The following CELF5 variants were observed in gnomAD, a reference collection of about 807,000 sequenced individuals.
CELF5 encodes CUGBP Elav-like family member 5.
Under a neutral mutation model 54.9 loss-of-function variants are expected in CELF5, and 6 were observed. The ratio of observed to expected loss-of-function variants is 0.11; its 90% CI spans 0.06 to 0.22. The LOEUF is 0.22. Ranked by LOEUF, CELF5 falls within the 10% of genes least tolerant of loss-of-function variation. The pLI, the probability that CELF5 is intolerant of heterozygous loss-of-function variation, is 1.00. For missense variants in CELF5, 401 were observed against 678.6 expected, an observed-to-expected ratio of 0.59 and a Z score of 4.54; for synonymous variants, 271 against 290.9, an observed-to-expected ratio of 0.93 and a Z score of 0.70.
chr19:3,282,286 C>T lies in CELF5; in HGVS notation c.892+19C>T. 1 of 1,610,502 alleles carries T rather than the reference C, an allele frequency of 6.2e-7. No homozygotes were observed. Among genetic ancestry groups the T allele is most frequent in the South Asian group, 1.1e-5 (1 of 91,076 alleles). On this transcript the variant is annotated intron_variant, in intron 7 of 12. Coordinates refer to ENST00000292672, the MANE Select transcript of CELF5 (RefSeq NM_021938.4). The surrounding 1 kb of genome is among the most constrained non-coding windows in gnomAD (Gnocchi z 5.2). ...GCCTCTGGTGAGCCTCCTCCAGGCA[C>T]CCAAGGATGGGTGGGCAGGGCTGGA... is the stretch of plus-strand genomic sequence containing the variant.
intron 4 of CELF5, among the ~76,000 whole-genome samples, chr19:3,276,590 A>G (rs1012638387): frequency 1.4e-5 from 2 of 146,942 alleles, no homozygotes; most frequent in Non-Finnish European, 3.0e-5. Context: ...GCTGGTTCAC[A>G]GGGGTTGGGT....
chr19:3,279,326 G>C lies in CELF5; in HGVS notation c.603+1216G>C, dbSNP rs760609660. ...AGGCACTGGGGACTGCCCTTCCCCC[G>C]AGGAAGGAGTCCCCAGAAGCCATTG... On this transcript the variant is annotated intron_variant, in intron 5 of 12. Coordinates refer to ENST00000292672, the MANE Select transcript of CELF5 (RefSeq NM_021938.4). Among the ~76,000 whole-genome samples, 3 of 152,180 alleles carry C rather than the reference G, an allele frequency of 2.0e-5. No homozygotes were observed. The East Asian group carries it at 5.8e-4, about 29-fold the overall frequency.
chr19:3,274,483 C>T (rs148347798), intron 3 of CELF5, among the ~76,000 whole-genome samples: 87 of 152,268 alleles, frequency 5.7e-4, no homozygotes, highest in African/African-American at 1.9e-3. Context: ...TGTGCATGTG[C>T]GTGTGCCCAG....
intron 2 of CELF5, among the ~76,000 whole-genome samples, chr19:3,254,162 G>A (rs144916681): frequency 2.0e-4 from 31 of 152,194 alleles, no homozygotes; most frequent in African/African-American, 7.0e-4. Flanking sequence ...AAGAGATGCC[G>A]CAATCACCAG....
At chr19:3,296,457 GAAAAGAA>G (rs1224211579) in intron 12 of CELF5, 6 of 67,000 alleles carry the variant, frequency 9.0e-5, no homozygotes, top group Admixed American at 6.8e-4. Flanking sequence ...AAAAAAAAAA[GAAAAGAA>G]AAAAGAAAAA....
intron 1 of CELF5, among the ~76,000 whole-genome samples, chr19:3,245,153 CTG>C (rs1013015555): frequency 2.3e-5 from 3 of 129,992 alleles, no homozygotes; most frequent in Non-Finnish European, 3.3e-5. Flanking sequence ...GCGTGCATCT[CTG>C]TGTGTGTTGT....
In CELF5 at chr19:3,282,255, G is replaced by A. The variant is rs745563357; in HGVS notation, c.880G>A (p.Ala294Thr). ...SLNGLPATPI[A>T]PASGLHSPPL... ...CAACGGGCTGCCTGCCACACCCATC[G>A]CTCCTGCCTCTGGTGAGCCTCCTCC... Residue 294 changes from alanine to threonine, a missense_variant, in exon 7 of 13, where the codon GCT becomes ACT. Ala to Thr is a moderately conservative substitution (Grantham distance 58). This residue lies in a region of CELF5 where 143 missense variants were observed against 147.6 expected (regional missense o/e 0.97). Transcript: ENST00000292672. This position sits in a 1 kb window ranked among gnomAD's most constrained non-coding sequence, Gnocchi z 5.2. 25 of 1,612,566 alleles carry A rather than the reference G, an allele frequency of 1.6e-5. 1 individual carries two copies. Among genetic ancestry groups the A allele is most frequent in the Admixed American group, 3.3e-5 (2 of 60,020 alleles).
At chr19:3,234,220 G>T (rs1232038728) in intron 1 of CELF5, among the ~76,000 whole-genome samples, 2 of 152,098 alleles carry the variant, frequency 1.3e-5, no homozygotes, top group Non-Finnish European at 2.9e-5. Flanking sequence ...AGGCGAGGAA[G>T]AGGAAGGGAT....
chr19:3,229,269 C>G (rs1917132359), intron 1 of CELF5, among the ~76,000 whole-genome samples: 1 of 152,066 alleles, frequency 6.6e-6, no homozygotes, highest in African/African-American at 2.4e-5. Context: ...TGCTGTGTAC[C>G]AGGCCCTGTT....
In CELF5 at chr19:3,224,673, C is replaced by T. The variant is rs1261356856; in HGVS notation, c.-67C>T. ...CCGGGAGGGAGGCGGGAGGCGCGGCCGCCGCTCCAGCTGCGAGTCCGCCCG... is the reference window on the plus strand; with the variant it reads ...CCGGGAGGGAGGCGGGAGGCGCGGCTGCCGCTCCAGCTGCGAGTCCGCCCG... On this transcript the variant is annotated 5_prime_UTR_variant, in exon 1 of 13. Coordinates refer to ENST00000292672, the MANE Select transcript of CELF5 (RefSeq NM_021938.4). 3 of 984,736 alleles carry T rather than the reference C, an allele frequency of 3.0e-6. No individual in the cohort carries two copies. The highest frequency in any genetic ancestry group is 3.5e-5 in the African/African-American group (2 of 56,662). 61.0% of individuals were successfully genotyped at this position (984,736 alleles called of 1,614,324 possible).
At chr19:3,235,766 G>A (rs531446204) in intron 1 of CELF5, among the ~76,000 whole-genome samples, 68 of 127,238 alleles carry the variant, frequency 5.3e-4, no homozygotes, top group Middle Eastern at 8.9e-3. Flanking sequence ...GTGTGGATGG[G>A]TGGATAGATG....
chr19:3,235,770 A>T (rs1917564908), intron 1 of CELF5, among the ~76,000 whole-genome samples: 1 of 134,786 alleles, frequency 7.4e-6, no homozygotes, highest in African/African-American at 2.9e-5. Flanking sequence ...GGATGGGTGG[A>T]TAGATGGATG....
intron 1 of CELF5, among the ~76,000 whole-genome samples, chr19:3,245,405 TGTGTGTG>T (rs908722135): frequency 2.9e-4 from 44 of 151,078 alleles, no homozygotes; most frequent in African/African-American, 9.5e-4. Context: ...TGTGTGCGTG[TGTGTGTG>T]GTGTGTGGTG....
intron 1 of CELF5, among the ~76,000 whole-genome samples, chr19:3,226,745 C>A (rs1197908308): frequency 2.0e-5 from 3 of 151,434 alleles, no homozygotes; most frequent in Non-Finnish European, 4.4e-5. Context: ...GGGACTGGAG[C>A]ATCCTGGTGA....
rs1353074305 is a variant in CELF5 at position 3,235,333 on chromosome 19, A to G, written c.259+10335A>G. Among the ~76,000 whole-genome samples, 3 of 151,530 alleles carry G rather than the reference A, an allele frequency of 2.0e-5. No individual in the cohort carries two copies. In the East Asian group the frequency reaches 5.8e-4, roughly 29 times the overall value. On this transcript the variant is annotated intron_variant, in intron 1 of 12. Transcript: ENST00000292672. ...CTTTCCTTTTTTTTTTCCTGTGCAA[A>G]TGAAGACCTCTAACATACTATATAT...
chr19:3,254,713 A>G (rs904957922), intron 2 of CELF5, among the ~76,000 whole-genome samples: 11 of 150,326 alleles, frequency 7.3e-5, no homozygotes, highest in African/African-American at 9.8e-5. Flanking sequence ...ACATCCATCC[A>G]TCTACCATTC....
At position 3,290,294 on chromosome 19, in the gene CELF5, C is replaced by T. The variant is rs777920564; in HGVS notation, c.1250C>T (p.Thr417Met). 6 of 1,613,934 alleles carry T rather than the reference C, an allele frequency of 3.7e-6. No individual in the cohort carries two copies. Among genetic ancestry groups the T allele is most frequent in the East Asian group, 4.5e-5 (2 of 44,870 alleles). The change falls in exon 11 of 13, where the codon ACG becomes ATG. Residue 417 changes from threonine (T) to methionine (M), a missense_variant. Physicochemically the swap from Thr to Met is moderately conservative, Grantham distance 81. Around this residue, in one of 6 missense-constraint regions of CELF5, gnomAD observed 59 missense variants for 128.8 expected, o/e 0.46. Transcript: ENST00000292672. ...CAGGAGTTTGGAGACACGGAGCTGACGCAGATGTTCCTACCCTTCGGCAAT... is the reference window on the plus strand; with the variant it reads ...CAGGAGTTTGGAGACACGGAGCTGATGCAGATGTTCCTACCCTTCGGCAAT... ...LPQEFGDTEL[T>M]QMFLPFGNII...
intron 2 of CELF5, among the ~76,000 whole-genome samples, chr19:3,265,038 G>A (rs368196805): frequency 1.4e-4 from 22 of 152,070 alleles, no homozygotes; most frequent in African/African-American, 4.3e-4. Flanking sequence ...TAATGATGAC[G>A]AGATTTATCT....
At chr19:3,296,071 T>TC (rs200977865) in intron 12 of CELF5, 1 of 146,908 alleles carries the variant, frequency 6.8e-6, no homozygotes, top group Non-Finnish European at 1.5e-5. Flanking sequence ...TTTTTTTTTT[T>TC]CCGGTCTTTC....
Sources: gnomAD v4.1 joint callset for allele counts (sites outside exome capture counted in the v4.1 genomes callset) on GRCh38, gnomAD v4.1.1 for gene constraint, gnomAD v4.1.1 regional missense constraint, Gnocchi (gnomAD v3.1) non-coding constraint, MANE v1.5 for transcripts, NCBI Gene and HGNC (gene_info 2026-07-23, HGNC 2026-07-21) for gene names.